PLA2G6: variants seen among roughly 807,000 people sequenced by gnomAD.
PLA2G6 encodes phospholipase A2 group VI.
A neutral mutation model predicts 83.8 loss-of-function variants in PLA2G6; 62 were observed. The ratio of observed to expected loss-of-function variants is 0.74; its 90% confidence interval spans 0.60 to 0.91. The LOEUF (loss-of-function observed/expected upper bound fraction) is 0.91, where lower values mean the gene tolerates loss of function less well. Among genes scored for constraint, PLA2G6 ranks in the 40% least tolerant of loss-of-function variants. The pLI, the probability that PLA2G6 is intolerant of heterozygous loss-of-function variation, is 0.00. For synonymous variants in PLA2G6, 417 were observed against 449.8 expected, an observed-to-expected ratio of 0.93 and a Z score of 0.92; for missense variants, 944 against 1,102.0, an observed-to-expected ratio of 0.86 and a Z score of 2.03.
intron 3 of PLA2G6, chr22:38,145,032 CT>C (rs968832533): frequency 0.077 from 14,770 of 191,964 alleles, 257 homozygotes; most frequent in East Asian, 0.11. Context: ...AACGCAGCAC[CT>C]TTTTTTTTTT....
Position 38,120,914 on chromosome 22 carries a change from G to C in PLA2G6, c.1592-5C>G. 2 of 1,613,262 alleles carry C rather than the reference G, an allele frequency of 1.2e-6. No homozygotes were observed. Among genetic ancestry groups the C allele is most frequent in the Non-Finnish European group, 1.7e-6 (2 of 1,180,010 alleles). ...GCATGTAGGCCATGGACTTACCTAG[G>C]AACAAAGGGGTCAGAGGCGGGGAGA... On this transcript the variant is annotated splice_polypyrimidine_tract_variant and splice_region_variant and intron_variant, in intron 11 of 16. Coordinates refer to ENST00000332509, the MANE Select transcript of PLA2G6 (RefSeq NM_003560.4).
In PLA2G6 at chr22:38,140,017, G is replaced by A; in HGVS notation, c.762C>T (p.Tyr254=). 2 of 1,609,670 alleles carry A rather than the reference G, an allele frequency of 1.2e-6. No individual in the cohort carries two copies. The highest frequency in any genetic ancestry group is 8.5e-7 in the Non-Finnish European group (1 of 1,177,778). Residue 254 remains tyrosine, a synonymous_variant, in exon 5 of 17, where the codon TAC becomes TAT. Transcript: ENST00000332509. The part of the protein sequence containing the change: ...ARCNIMGPNG[Y]PIHSAMKFSQ... Reference sequence around the variant, plus strand: ...AGAACTTCATGGCCGAGTGGATGGGGTAGCCGTTGGGGCCCATGATGTTGC... The same window carrying A: ...AGAACTTCATGGCCGAGTGGATGGGATAGCCGTTGGGGCCCATGATGTTGC...
intron 3 of PLA2G6, chr22:38,144,971 T>C (rs1211756366): frequency 2.7e-6 from 1 of 364,788 alleles, no homozygotes; most frequent in South Asian, 2.2e-5. Flanking sequence ...TGGTGAGCAC[T>C]CCGGACTCTG....
At chr22:38,115,466 G>T in intron 14 of PLA2G6, 61 bp downstream of exon 14, 2 of 1,528,466 alleles carry the variant, frequency 1.3e-6, no homozygotes, top group Non-Finnish European at 9.0e-7. Flanking sequence ...AGCATGGTTT[G>T]CTGACACAGG....
At position 38,127,017 on chromosome 22, in the gene PLA2G6, ATCCACTCTG is replaced by A. The variant is rs2087902299; in HGVS notation, c.1349-577_1349-569del. 7 of 1,077,948 alleles carry A rather than the reference ATCCACTCTG, an allele frequency of 6.5e-6. No homozygotes were observed. The South Asian group carries it at 2.0e-4, about 30-fold the overall frequency. The allele number at this position is 1,077,948 out of a possible 1,614,324, so 66.8% of individuals were successfully genotyped here. On this transcript the variant is annotated intron_variant, in intron 9 of 16. Coordinates refer to ENST00000332509, the MANE Select transcript of PLA2G6 (RefSeq NM_003560.4). ...AGTGGCCTCCGGGATCAGGCCCACC[ATCCACTCTG>A]TCCATGTCTTCCTTTGTGTCCAAGG...
Position 38,112,082 on chromosome 22 carries a change from G to T in PLA2G6, c.*79C>A. 6.7e-7 allele frequency: 1 copy of T among 1,487,424 alleles called. No homozygotes were observed. Among genetic ancestry groups the T allele is most frequent in the East Asian group, 2.5e-5 (1 of 40,690 alleles). 92.1% of individuals were successfully genotyped at this position (1,487,424 alleles called of 1,614,324 possible). The stretch of plus-strand genomic sequence containing the variant: ...GAGGTGCCTGGGCCCAGATCTGCCC[G>T]GGAGGGCAGTGGCTGGGCTTGGCCT... On this transcript the variant is annotated 3_prime_UTR_variant, in exon 17 of 17. Coordinates refer to ENST00000332509, the MANE Select transcript of PLA2G6 (RefSeq NM_003560.4).
intron 1 of PLA2G6, among the ~76,000 whole-genome samples, chr22:38,174,240 CA>C (rs1027871400): frequency 1.3e-4 from 19 of 149,096 alleles, no homozygotes; most frequent in Non-Finnish European, 1.5e-5. Flanking sequence ...ACTAAAAATA[CA>C]AAAAAAATTA....
chr22:38,144,865 AATAAAAT>A (rs1569276944), intron 3 of PLA2G6: 1 of 220,754 alleles, frequency 4.5e-6, no homozygotes, highest in Non-Finnish European at 9.1e-6. Flanking sequence ...AATAAAATAA[AATAAAAT>A]AAAGTAAAAT....
chr22:38,113,386 C>T, intron 15 of PLA2G6, 101 bp downstream of exon 15: 1 of 1,140,046 alleles, frequency 8.8e-7, no homozygotes, highest in Non-Finnish European at 1.3e-6. Flanking sequence ...CAGAGCCCTG[C>T]TGTCTCCTCC....
Position 38,116,218 on chromosome 22 carries a change from A to G in PLA2G6, c.1743-7T>C, listed in dbSNP as rs1258479492. On this transcript the variant is annotated splice_polypyrimidine_tract_variant and splice_region_variant and intron_variant, in intron 12 of 16. Transcript: ENST00000332509. ...TGTCCCTGTCAGCATCACCCTGGAG[A>G]GAAATGAGGCAGGAGGACGGCTGAG... 8 of 1,613,836 alleles carry G rather than the reference A, an allele frequency of 5.0e-6. No homozygotes were observed. Among genetic ancestry groups the G allele is most frequent in the Middle Eastern group, 1.6e-4 (1 of 6,084 alleles).
At position 38,126,463 on chromosome 22, in the gene PLA2G6, A is replaced by G. The variant is rs2087866873; in HGVS notation, c.1349-14T>C. On this transcript the variant is annotated splice_polypyrimidine_tract_variant and intron_variant, in intron 9 of 16. Coordinates refer to ENST00000332509, the MANE Select transcript of PLA2G6 (RefSeq NM_003560.4). ...GATCCTGTAGTTCTGTGAGGCACAGAGCAGGGCATGCTGTGGTCAGGTGGG... is the reference window on the plus strand; with the variant it reads ...GATCCTGTAGTTCTGTGAGGCACAGGGCAGGGCATGCTGTGGTCAGGTGGG... The G allele has an allele frequency of 6.2e-7, 1 of 1,608,664 alleles. No homozygotes were observed. Among genetic ancestry groups the G allele is most frequent in the East Asian group, 2.2e-5 (1 of 44,862 alleles).
intron 1 of PLA2G6, among the ~76,000 whole-genome samples, chr22:38,173,870 C>A (rs1326317559): frequency 6.6e-6 from 1 of 151,810 alleles, no homozygotes; most frequent in Non-Finnish European, 1.5e-5. Flanking sequence ...GGGAACATGG[C>A]AAAACCCTGT....
intron 2 of PLA2G6, chr22:38,147,398 A>G (rs1207279115): frequency 3.0e-5 from 5 of 169,258 alleles, no homozygotes; most frequent in African/African-American, 1.2e-4. Flanking sequence ...CAGTGCCCAG[A>G]GAGTGTTGGC....
At chr22:38,122,214 T>A (rs139587981) in intron 11 of PLA2G6, among the ~76,000 whole-genome samples, 1 of 150,812 alleles carries the variant, frequency 6.6e-6, no homozygotes, top group African/African-American at 2.4e-5. Flanking sequence ...GGGTGGGGAG[T>A]CCTCCCCGGG....
chr22:38,173,522 T>A (rs4380), intron 1 of PLA2G6, among the ~76,000 whole-genome samples: 7 of 151,754 alleles, frequency 4.6e-5, no homozygotes, highest in African/African-American at 1.7e-4. Context: ...TTGGTGCCCC[T>A]GCTGAGGGAA....
At position 38,111,832 on chromosome 22, in the gene PLA2G6, G is replaced by A; in HGVS notation, c.*329C>T. 1 of 391,476 alleles carries A rather than the reference G, an allele frequency of 2.6e-6. No homozygotes were observed. The highest frequency in any genetic ancestry group is 2.1e-5 in the African/African-American group (1 of 48,368). 24.3% of individuals were successfully genotyped at this position (391,476 alleles called of 1,614,324 possible). Reference sequence around the variant, plus strand: ...GCCCGGCAGGCCCTCAGGGAGGCTGGGGCTGGGGGCAGGGGTACGGTTGTG... The same window carrying A: ...GCCCGGCAGGCCCTCAGGGAGGCTGAGGCTGGGGGCAGGGGTACGGTTGTG... On this transcript the variant is annotated 3_prime_UTR_variant, in exon 17 of 17. Transcript: ENST00000332509.
At chr22:38,141,042 A>C (rs1669204992) in intron 4 of PLA2G6, 1 of 152,162 alleles carries the variant, frequency 6.6e-6, no homozygotes, top group Non-Finnish European at 1.5e-5. Flanking sequence ...AATACAAAAA[A>C]AATTAGCCGG....
At chr22:38,159,821 A>G (rs1168006713) in intron 2 of PLA2G6, among the ~76,000 whole-genome samples, 2 of 152,198 alleles carry the variant, frequency 1.3e-5, no homozygotes, top group Non-Finnish European at 2.9e-5. Context: ...AAGCTTTAAG[A>G]TAGAGAAGGA....
At chr22:38,143,496 C>T (rs558270488) in intron 3 of PLA2G6, 2 of 649,308 alleles carry the variant, frequency 3.1e-6, no homozygotes, top group African/African-American at 1.8e-5. Flanking sequence ...GTTCAGTTTG[C>T]TCACTCGTAC....
Sources: allele counts gnomAD v4.1 joint callset (sites outside exome capture counted in the v4.1 genomes callset), GRCh38; gene constraint gnomAD v4.1.1; transcripts MANE v1.5; gene names NCBI Gene and HGNC (gene_info 2026-07-23, HGNC 2026-07-21).